TPRG1: variants seen among roughly 807,000 people sequenced by gnomAD.
The protein encoded by TPRG1 is tumor protein p63 regulated 1.
In TPRG1, 29 loss-of-function variants were observed where a neutral mutation model predicts 29.3. The observed-to-expected ratio is 0.99, with a 90% CI of 0.74 to 1.35. TPRG1 has a LOEUF of 1.35. Among genes scored for constraint, TPRG1 ranks in the 40% most tolerant of loss-of-function variants. The pLI, the probability that TPRG1 is intolerant of heterozygous loss-of-function variation, is 0.00. For synonymous variants in TPRG1, 130 were observed against 116.8 expected, an observed-to-expected ratio of 1.11 and a Z score of -0.73; for missense variants, 327 against 335.0, an observed-to-expected ratio of 0.98 and a Z score of 0.19.
At chr3:189,145,359 TAA>T (rs58210295) in intron 3 of TPRG1, among the ~76,000 whole-genome samples, 7 of 107,352 alleles carry the variant, frequency 6.5e-5, no homozygotes, top group Non-Finnish European at 5.8e-5. Context: ...AGACTCCATC[TAA>T]AAAAAAAAAA....
intron 1 of TPRG1, among the ~76,000 whole-genome samples, chr3:189,205,001 A>G (rs1734111204): frequency 6.7e-6 from 1 of 148,754 alleles, no homozygotes; most frequent in Non-Finnish European, 1.5e-5. Flanking sequence ...CTGCTTCTTC[A>G]TTCCTTGTTT....
chr3:189,065,584 G>A (rs1716385814), intron 4 of TPRG1, among the ~76,000 whole-genome samples: 1 of 151,696 alleles, frequency 6.6e-6, no homozygotes, highest in African/African-American at 2.4e-5. Flanking sequence ...GATATCAATT[G>A]ATGCAGAAAA....
At chr3:189,125,810 GTT>G (rs1045277368) in intron 1 of TPRG1, among the ~76,000 whole-genome samples, 3 of 135,780 alleles carry the variant, frequency 2.2e-5, no homozygotes, top group Admixed American at 7.6e-5. Context: ...GCTGCAGGGT[GTT>G]TTGTGTGTGT....
At chr3:189,030,302 T>C (rs933752363) in intron 4 of TPRG1, among the ~76,000 whole-genome samples, 55 of 152,172 alleles carry the variant, frequency 3.6e-4, no homozygotes, top group African/African-American at 1.3e-3. Flanking sequence ...GCAAAAGATA[T>C]AAACAAAAGT....
In TPRG1 at chr3:189,231,300, A is replaced by G. The variant is rs367557093; in HGVS notation, c.303-7433A>G. Among the ~76,000 whole-genome samples, 7 of 150,452 alleles carry G rather than the reference A, an allele frequency of 4.7e-5. No homozygotes were observed. In the East Asian group the frequency reaches 1.2e-3, roughly 25 times the overall value. Reference sequence around the variant, plus strand: ...TATATATATATGCACACACACATACATATGGAATTAATGACTTCTCTTTTA... The same window carrying G: ...TATATATATATGCACACACACATACGTATGGAATTAATGACTTCTCTTTTA... On this transcript the variant is annotated intron_variant, in intron 3 of 5. Transcript: ENST00000345063.
chr3:189,161,342 C>T (rs1727454417), intron 5 of TPRG1, among the ~76,000 whole-genome samples: 1 of 152,178 alleles, frequency 6.6e-6, no homozygotes, highest in Non-Finnish European at 1.5e-5. Context: ...GCAAGTTATT[C>T]ACTTGTTTCT....
At chr3:189,311,358 T>C (rs534839520) in intron 5 of TPRG1, among the ~76,000 whole-genome samples, 7 of 152,372 alleles carry the variant, frequency 4.6e-5, no homozygotes, top group African/African-American at 1.4e-4. Flanking sequence ...ATATTACAAT[T>C]CTTTATTTGC....
chr3:189,049,906 C>A (rs1351785964), intron 4 of TPRG1, among the ~76,000 whole-genome samples: 1 of 152,146 alleles, frequency 6.6e-6, no homozygotes, highest in Non-Finnish European at 1.5e-5. Flanking sequence ...CACAACCTAT[C>A]AAAACCTCTG....
chr3:189,312,185 TTTTC>T (rs71169041), intron 5 of TPRG1, among the ~76,000 whole-genome samples: 4,782 of 46,772 alleles, frequency 0.1, 670 homozygotes, highest in East Asian at 0.18. Context: ...TTCTTTCTTT[TTTTC>T]TTTCTTTCTT....
At chr3:189,315,925 A>C (rs1456153091) in intron 5 of TPRG1, among the ~76,000 whole-genome samples, 2 of 152,200 alleles carry the variant, frequency 1.3e-5, no homozygotes, top group African/African-American at 4.8e-5. Flanking sequence ...GATAAGTCCA[A>C]AAGTTAACAA....
In TPRG1 at chr3:189,087,986, G is replaced by A. The variant is rs556229231; in HGVS notation, c.-462-39071G>A. On this transcript the variant is annotated intron_variant, in intron 4 of 10. Coordinates refer to the TPRG1 transcript ENST00000433971. ...TTTGGCTTAGGATTGTCTTGGCAAT[G>A]CGGGATTTTTTTGGTTCCATATGAA... 2.6e-5 allele frequency among the ~76,000 whole-genome samples: 4 copies of A among 151,750 alleles called. No homozygotes were observed. In the South Asian group the frequency reaches 8.3e-4, roughly 31 times the overall value.
Position 189,205,133 on chromosome 3 carries a change from G to A in TPRG1, c.-9-2243G>A, listed in dbSNP as rs566465756. On this transcript the variant is annotated intron_variant, in intron 1 of 5. Coordinates refer to ENST00000345063, the MANE Select transcript of TPRG1 (RefSeq NM_198485.4). ...TGCTATACTGGGGGCATGGTTGGGA[G>A]GACACTTGCTGCTACGACTATTCAA... Among the ~76,000 whole-genome samples the A allele has an allele frequency of 4.6e-5, 7 of 152,238 alleles. No homozygotes were observed. In the South Asian group the frequency reaches 1.2e-3, roughly 27 times the overall value.
At chr3:189,315,988 G>T (rs1216505393) in intron 5 of TPRG1, among the ~76,000 whole-genome samples, 1 of 152,200 alleles carries the variant, frequency 6.6e-6, no homozygotes, top group Non-Finnish European at 1.5e-5. Flanking sequence ...AAGCACCAAA[G>T]AAGGTGGGAA....
chr3:189,174,184 C>T (rs1174613963), intron 1 of TPRG1, among the ~76,000 whole-genome samples: 2 of 152,196 alleles, frequency 1.3e-5, no homozygotes, highest in Non-Finnish European at 2.9e-5. Context: ...TCATTTACTC[C>T]AGAGCTTGCA....
rs545821347 is a variant in TPRG1, at chr3:189,055,818, A to C, written c.-463+31872A>C. On this transcript the variant is annotated intron_variant, in intron 4 of 10. Coordinates refer to the TPRG1 transcript ENST00000433971. Reference sequence around the variant, plus strand: ...TGACCCATACAGTTCCTTTCCAGGCATAGAGGGTAGAGTACTACACCCATT... The same window carrying C: ...TGACCCATACAGTTCCTTTCCAGGCCTAGAGGGTAGAGTACTACACCCATT... Among the ~76,000 whole-genome samples, 6 of 152,258 alleles carry C rather than the reference A, an allele frequency of 3.9e-5. No homozygotes were observed. The East Asian group carries it at 1.2e-3, about 29-fold the overall frequency.
In TPRG1 at chr3:189,272,744, C is replaced by G. The variant is rs868781762; in HGVS notation, c.479+33835C>G. ...CCTTCCTTCCTTCCTTCCTTCCTTCCTTCCTTCGTTCCTTCCTTCCTTCCT... is the reference window on the plus strand; with the variant it reads ...CCTTCCTTCCTTCCTTCCTTCCTTCGTTCCTTCGTTCCTTCCTTCCTTCCT... On this transcript the variant is annotated intron_variant, in intron 4 of 5. Transcript: ENST00000345063. Among the ~76,000 whole-genome samples, 248 of 115,726 alleles carry G rather than the reference C, an allele frequency of 2.1e-3. 1 individual carries two copies. The highest frequency in any genetic ancestry group is 9.2e-3 in the African/African-American group (231 of 25,156). The allele number at this position is 115,726 out of a possible 152,430, so 75.9% of individuals were successfully genotyped here.
intron 4 of TPRG1, among the ~76,000 whole-genome samples, chr3:189,094,251 C>T (rs1325361994): frequency 1.3e-5 from 2 of 152,136 alleles, no homozygotes; most frequent in African/African-American, 2.4e-5. Flanking sequence ...GGGCCTCACT[C>T]AGCCTGAGTA....
chr3:189,170,158 T>G (rs941779663), upstream of TPRG1, among the ~76,000 whole-genome samples: 2 of 152,226 alleles, frequency 1.3e-5, no homozygotes, highest in African/African-American at 2.4e-5. Flanking sequence ...CTGCCTTTTG[T>G]GCCCCCACCC....
At chr3:189,070,332 A>G (rs1159304082) in intron 4 of TPRG1, among the ~76,000 whole-genome samples, 1 of 152,164 alleles carries the variant, frequency 6.6e-6, no homozygotes, top group South Asian at 2.1e-4. Flanking sequence ...GGATGAGGGA[A>G]CTGTTCAGTA....
Sources: gnomAD v4.1 joint callset for allele counts (sites outside exome capture counted in the v4.1 genomes callset) on GRCh38, gnomAD v4.1.1 for gene constraint, MANE v1.5 for transcripts, NCBI Gene and HGNC (gene_info 2026-07-23, HGNC 2026-07-21) for gene names.